Variants in RAD51B observed in about 807,000 individuals in gnomAD.
RAD51B encodes RAD51 paralog B.
In RAD51B, 38 loss-of-function variants were observed where a neutral mutation model predicts 42.2. The ratio of observed to expected loss-of-function variants is 0.90; its 90% CI spans 0.70 to 1.18. The LOEUF (loss-of-function observed/expected upper bound fraction) is 1.18, where lower values mean the gene tolerates loss of function less well. Ranked by LOEUF, RAD51B falls within the 50% of genes most tolerant of loss-of-function variation. RAD51B has a pLI of 0.00. For synonymous variants in RAD51B, 154 were observed against 145.2 expected (o/e 1.06, Z -0.43); for missense variants, 373 against 400.7 (o/e 0.93, Z 0.59).
intron 7 of RAD51B, among the ~76,000 whole-genome samples, chr14:68,239,527 T>A (rs186107609): frequency 1.1e-3 from 162 of 152,204 alleles, no homozygotes; most frequent in African/African-American, 3.7e-3. Flanking sequence ...TTTTCTTTTT[T>A]AAACTGGGCA....
intron 7 of RAD51B, among the ~76,000 whole-genome samples, chr14:68,130,820 A>G (rs938923017): frequency 2.6e-5 from 4 of 152,202 alleles, no homozygotes; most frequent in African/African-American, 9.6e-5. Context: ...AGAGTTATCA[A>G]GTAAGCCTCC....
At chr14:68,490,026 T>C (rs891864820) in intron 10 of RAD51B, among the ~76,000 whole-genome samples, 3 of 152,172 alleles carry the variant, frequency 2.0e-5, no homozygotes, top group African/African-American at 7.2e-5. Flanking sequence ...ACTGGGAAGC[T>C]GAGAGCCGTA....
At chr14:68,206,994 G>A (rs2079603620) in intron 7 of RAD51B, among the ~76,000 whole-genome samples, 1 of 152,070 alleles carries the variant, frequency 6.6e-6, no homozygotes, top group Non-Finnish European at 1.5e-5. Flanking sequence ...GTTTCACCCT[G>A]TTAGCCAGGA....
At chr14:68,228,198 CTTCCTTACCATCTG>C (rs976631276) in intron 7 of RAD51B, among the ~76,000 whole-genome samples, 3 of 152,118 alleles carry the variant, frequency 2.0e-5, no homozygotes, top group African/African-American at 7.2e-5. Flanking sequence ...ACTATAACTC[CTTCCTTACCATCTG>C]AGATGGTAAG....
chr14:68,279,212 T>G (rs879452405), intron 7 of RAD51B, among the ~76,000 whole-genome samples: 3 of 152,204 alleles, frequency 2.0e-5, no homozygotes, highest in African/African-American at 7.2e-5. Context: ...GAGGAGTCCA[T>G]GAGAAGGAAC....
intron 8 of RAD51B, among the ~76,000 whole-genome samples, chr14:68,357,786 G>A (rs2082939279): frequency 1.3e-5 from 2 of 152,104 alleles, no homozygotes; most frequent in African/African-American, 4.8e-5. Flanking sequence ...AAAATATTCA[G>A]TAAACCATGC....
At chr14:68,202,589 T>G (rs893144652) in intron 7 of RAD51B, among the ~76,000 whole-genome samples, 4 of 128,144 alleles carry the variant, frequency 3.1e-5, no homozygotes, top group African/African-American at 8.9e-5. Flanking sequence ...TTTTTTTTTT[T>G]TTTTTTTTTT....
chr14:68,499,836 G>C (rs947850666), intron 10 of RAD51B, among the ~76,000 whole-genome samples: 4 of 152,204 alleles, frequency 2.6e-5, no homozygotes, highest in Non-Finnish European at 5.9e-5. Flanking sequence ...GCCTGGCCCT[G>C]CAGACACCTT....
At chr14:68,214,397 T>A (rs1478477889) in intron 7 of RAD51B, among the ~76,000 whole-genome samples, 1 of 152,150 alleles carries the variant, frequency 6.6e-6, no homozygotes. Context: ...AATGGAGCAC[T>A]CTTATCTCTG....
chr14:68,484,043 A>G (rs1883410501), intron 10 of RAD51B, among the ~76,000 whole-genome samples: 1 of 152,204 alleles, frequency 6.6e-6, no homozygotes, highest in South Asian at 2.1e-4. Flanking sequence ...CTTAACAGGG[A>G]TTTAACTTTC....
intron 2 of RAD51B, 81 bp from the exon 3 acceptor site, chr14:67,825,383 G>T (rs2040791820): frequency 9.2e-6 from 8 of 865,824 alleles, no homozygotes; most frequent in Non-Finnish European, 1.4e-5. Flanking sequence ...TACATAAGCA[G>T]TATCAATTGA....
chr14:67,893,509 CAAAA>C lies in RAD51B; in HGVS notation c.756+6311_756+6314del, dbSNP rs71129863. On this transcript the variant is annotated intron_variant, in intron 7 of 10. Coordinates refer to ENST00000471583, the MANE Select transcript of RAD51B (RefSeq NM_133510.4). The stretch of plus-strand genomic sequence containing the variant: ...ACACACACACACACACACACACACA[CAAAA>C]AAAAACAATTAGCTGGGTGTGGTGC... 1.6e-3 allele frequency among the ~76,000 whole-genome samples: 136 copies of C among 83,780 alleles called. 6 individuals carry two copies. The highest frequency in any genetic ancestry group is 4.6e-3 in the South Asian group (12 of 2,610). The allele number at this position is 83,780 out of a possible 152,430, so 55.0% of individuals were successfully genotyped here. A position where few individuals can be genotyped will look rare whatever the true frequency, so the allele number is the denominator to read the frequency against.
intron 7 of RAD51B, among the ~76,000 whole-genome samples, chr14:68,282,455 G>C (rs760035610): frequency 1.3e-5 from 2 of 152,166 alleles, no homozygotes; most frequent in Non-Finnish European, 2.9e-5. Context: ...TTCTTCTTAT[G>C]TGTGTCTCCT....
At chr14:67,950,508 G>A (rs1225266139) in intron 7 of RAD51B, among the ~76,000 whole-genome samples, 2 of 152,202 alleles carry the variant, frequency 1.3e-5, no homozygotes, top group Admixed American at 6.5e-5. Flanking sequence ...TAATGTTGTG[G>A]CTGGTTTGGT....
intron 10 of RAD51B, among the ~76,000 whole-genome samples, chr14:68,532,348 G>GA (rs1168171470): frequency 2.0e-5 from 3 of 150,640 alleles, no homozygotes; most frequent in African/African-American, 2.4e-5. Flanking sequence ...GGCTGCTCCA[G>GA]AAAAAAAGAA....
At chr14:68,124,996 A>C (rs1193357500) in intron 7 of RAD51B, 1 of 152,108 alleles carries the variant, frequency 6.6e-6, no homozygotes, top group African/African-American at 2.4e-5. Context: ...CATGAGAAAC[A>C]GGTGACGAAG....
At chr14:68,615,760 G>A (rs1891813241), downstream of RAD51B, among the ~76,000 whole-genome samples, 1 of 152,044 alleles carries the variant, frequency 6.6e-6, no homozygotes. Flanking sequence ...CTTGTGATAA[G>A]CATTGCACAG....
intron 8 of RAD51B, among the ~76,000 whole-genome samples, chr14:68,326,866 T>G (rs916586865): frequency 6.6e-6 from 1 of 152,214 alleles, no homozygotes; most frequent in Non-Finnish European, 1.5e-5. Context: ...GGCTGGTTTC[T>G]GGAAGCAAGG....
intron 10 of RAD51B, among the ~76,000 whole-genome samples, chr14:68,508,252 A>C (rs2140309495): frequency 6.6e-6 from 1 of 152,156 alleles, no homozygotes; most frequent in South Asian, 2.1e-4. Flanking sequence ...GGCAATTCAC[A>C]ACATCTAGTC....
Sources: gnomAD v4.1 joint callset for allele counts (sites outside exome capture counted in the v4.1 genomes callset) on GRCh38, gnomAD v4.1.1 for gene constraint, MANE v1.5 for transcripts, NCBI Gene and HGNC (gene_info 2026-07-23, HGNC 2026-07-21) for gene names.